ZP3: variants seen among roughly 807,000 people sequenced by gnomAD.
The protein encoded by ZP3 is zona pellucida sperm-binding protein 3.
In ZP3, 21 loss-of-function variants were observed where a neutral mutation model predicts 35.6. That is an observed-to-expected ratio of 0.59 (90% CI 0.42 to 0.85). ZP3 has a LOEUF of 0.85. Ranked by LOEUF, ZP3 falls within the 40% of genes least tolerant of loss-of-function variation. The pLI is 0.00. For missense variants in ZP3, 437 were observed against 536.5 expected (o/e 0.81, Z 1.83); for synonymous variants, 207 against 214.5 (o/e 0.96, Z 0.31).
intron 1 of ZP3, among the ~76,000 whole-genome samples, chr7:76,414,660 C>A (rs948287532): frequency 7.0e-6 from 1 of 143,166 alleles, no homozygotes; most frequent in Non-Finnish European, 1.5e-5. Context: ...GCTTCTACCC[C>A]TTCCCTTTCC....
chr7:76,413,031 C>T lies in ZP3; in HGVS notation c.-66-12021C>T, dbSNP rs903317813. Among the ~76,000 whole-genome samples the T allele has an allele frequency of 7.2e-4, 98 of 136,400 alleles. 1 individual carries two copies. Among genetic ancestry groups the T allele is most frequent in the African/African-American group, 2.4e-3 (91 of 37,294 alleles). 89.5% of individuals were successfully genotyped at this position (136,400 alleles called of 152,430 possible). ...AGGCTGGAGTGCAATGATGTGATCTCGGTTCACTGCAACCTGTGCCTCCTG... is the reference window on the plus strand; with the variant it reads ...AGGCTGGAGTGCAATGATGTGATCTTGGTTCACTGCAACCTGTGCCTCCTG... On this transcript the variant is annotated intron_variant, in intron 1 of 8. Coordinates refer to the ZP3 transcript ENST00000336517.
chr7:76,426,299 G>A (rs1472237571), intron 1 of ZP3, among the ~76,000 whole-genome samples: 1 of 152,096 alleles, frequency 6.6e-6, no homozygotes, highest in African/African-American at 2.4e-5. Context: ...GAGGCCTTAC[G>A]GCAGGGCAGG....
chr7:76,400,183 A>G, intron 1 of ZP3: 2 of 1,283,086 alleles, frequency 1.6e-6, no homozygotes, highest in Non-Finnish European at 2.0e-6. Flanking sequence ...CCTGATCTGC[A>G]TGGAACAGCC....
chr7:76,430,042 T>C (rs1286206268), intron 2 of ZP3, among the ~76,000 whole-genome samples: 1 of 151,978 alleles, frequency 6.6e-6, no homozygotes, highest in African/African-American at 2.4e-5. Flanking sequence ...GCCTACATGG[T>C]GAAACCCCAT....
upstream of ZP3, among the ~76,000 whole-genome samples, chr7:76,422,112 G>T (rs1805516872): frequency 6.6e-6 from 1 of 151,910 alleles, no homozygotes; most frequent in Admixed American, 6.6e-5. Context: ...GCTTAGGCTG[G>T]TCTCGATCTC....
chr7:76,410,058 C>T (rs945435052), intron 1 of ZP3, among the ~76,000 whole-genome samples: 7 of 151,768 alleles, frequency 4.6e-5, no homozygotes, highest in African/African-American at 1.7e-4. Context: ...CAGACAGAGT[C>T]TCTCTCTGTC....
chr7:76,404,225 C>A (rs1353260210), intron 1 of ZP3: 4 of 1,448,962 alleles, frequency 2.8e-6, no homozygotes, highest in African/African-American at 2.9e-5. Context: ...CATTCACAAC[C>A]CTCCTCCTAC....
intron 1 of ZP3, among the ~76,000 whole-genome samples, chr7:76,405,227 C>T (rs1254508313): frequency 1.7e-5 from 2 of 115,658 alleles, no homozygotes; most frequent in Non-Finnish European, 3.6e-5. Flanking sequence ...CCTCAGCCTC[C>T]TGGGTAGCTG....
intron 1 of ZP3, among the ~76,000 whole-genome samples, chr7:76,413,830 C>A (rs1805306184): frequency 6.6e-6 from 1 of 151,912 alleles, no homozygotes; most frequent in Non-Finnish European, 1.5e-5. Context: ...CCATGCCCAG[C>A]TAATTATTGT....
At chr7:76,435,224 G>T (rs1805956409) in intron 5 of ZP3, among the ~76,000 whole-genome samples, 1 of 152,268 alleles carries the variant, frequency 6.6e-6, no homozygotes, top group African/African-American at 2.4e-5. Context: ...GGCACCTGTA[G>T]TCCCAGCCAC....
intron 1 of ZP3, among the ~76,000 whole-genome samples, chr7:76,425,755 A>C (rs1053667010): frequency 6.6e-6 from 1 of 152,134 alleles, no homozygotes; most frequent in Non-Finnish European, 1.5e-5. Context: ...ACTTGAGGCC[A>C]GGAGTTTGAG....
intron 5 of ZP3, among the ~76,000 whole-genome samples, chr7:76,435,329 A>T (rs1207128995): frequency 1.3e-5 from 2 of 152,142 alleles, no homozygotes; most frequent in African/African-American, 2.4e-5. Context: ...ATTTTTTTGT[A>T]TTTCTAGTAG....
At chr7:76,419,722 CCTCT>C (rs1482628151) in intron 1 of ZP3, among the ~76,000 whole-genome samples, 2 of 141,876 alleles carry the variant, frequency 1.4e-5, no homozygotes, top group African/African-American at 5.3e-5. Flanking sequence ...CCTCCCTCTC[CCTCT>C]ATCTCTTTCT....
At chr7:76,410,176 C>A (rs1024380731) in intron 1 of ZP3, among the ~76,000 whole-genome samples, 4 of 152,110 alleles carry the variant, frequency 2.6e-5, no homozygotes, top group Non-Finnish European at 2.9e-5. Context: ...GGATTACAGG[C>A]ATGCACCACC....
intron 1 of ZP3, among the ~76,000 whole-genome samples, chr7:76,411,357 A>C (rs1274092907): frequency 3.3e-5 from 5 of 152,044 alleles, no homozygotes; most frequent in Non-Finnish European, 7.4e-5. Flanking sequence ...GCTTGAGACC[A>C]AGAGCTCAAG....
chr7:76,433,673 G>C (rs1477139779), intron 4 of ZP3, 26 bp downstream of exon 4: 2 of 1,572,794 alleles, frequency 1.3e-6, no homozygotes, highest in Non-Finnish European at 1.7e-6. Flanking sequence ...CCTGCCTAGA[G>C]AACCTTCCTA....
intron 2 of ZP3, 77 bp from the exon 3 acceptor site, chr7:76,432,850 T>G: frequency 3.6e-4 from 444 of 1,222,162 alleles, no homozygotes; most frequent in Middle Eastern, 7.7e-4. Flanking sequence ...GGGGTAGCAG[T>G]GAGATACTCC....
chr7:76,427,699 G>C (rs1288579427), intron 1 of ZP3, among the ~76,000 whole-genome samples: 1 of 152,108 alleles, frequency 6.6e-6, no homozygotes, highest in Non-Finnish European at 1.5e-5. Context: ...ATAAGGTCTA[G>C]GACTATTCCC....
Position 76,433,045 on chromosome 7 carries a change from C to G in ZP3, c.535+15C>G. ...TCTGATGGAGGGTAAGAGAAGAAGG[C>G]TGGGTGGGACATCTGTGGAAAGACC... On this transcript the variant is annotated intron_variant, in intron 3 of 7. Transcript: ENST00000394857. 1 of 1,596,594 alleles carries G rather than the reference C, an allele frequency of 6.3e-7. No individual in the cohort carries two copies. Among genetic ancestry groups the G allele is most frequent in the Non-Finnish European group, 8.6e-7 (1 of 1,167,806 alleles).
Sources: allele counts gnomAD v4.1 joint callset (sites outside exome capture counted in the v4.1 genomes callset), GRCh38; gene constraint gnomAD v4.1.1; transcripts MANE v1.5; gene names NCBI Gene and HGNC (gene_info 2026-07-23, HGNC 2026-07-21).